FTO: variants seen among roughly 807,000 people sequenced by gnomAD.
FTO encodes FTO alpha-ketoglutarate dependent dioxygenase.
FTO carries 47 observed loss-of-function variants against 63.9 expected under a neutral mutation model. The observed-to-expected ratio is 0.74, with a 90% CI of 0.58 to 0.94. The LOEUF (loss-of-function observed/expected upper bound fraction) is 0.94. Ranked by LOEUF, FTO falls within the 40% of genes least tolerant of loss-of-function variation. FTO has a pLI of 0.00. For missense variants in FTO, 562 were observed against 618.1 expected (o/e 0.91, Z 0.96); for synonymous variants, 207 against 224.4 (o/e 0.92, Z 0.69).
At chr16:54,110,628 A>G (rs1014419555) in intron 8 of FTO, among the ~76,000 whole-genome samples, 2 of 152,258 alleles carry the variant, frequency 1.3e-5, no homozygotes, top group African/African-American at 2.4e-5. Context: ...CCTCTCTACC[A>G]TCAGGCTTGG....
At position 54,117,719 on chromosome 16, in the gene FTO, A is replaced by T. The variant is rs560935117; in HGVS notation, c.*5804A>T. ...TGAAAAATGATGTTTTAGGACTCTCATTTCTACAGTGGGAGTAGGTCACCC... is the reference window on the plus strand; with the variant it reads ...TGAAAAATGATGTTTTAGGACTCTCTTTTCTACAGTGGGAGTAGGTCACCC... On this transcript the variant is annotated 3_prime_UTR_variant, in exon 9 of 9. Coordinates refer to ENST00000471389, the MANE Select transcript of FTO (RefSeq NM_001080432.3). 2.0e-5 allele frequency: 3 copies of T among 152,280 alleles called. No homozygotes were observed. In the South Asian group the frequency reaches 6.2e-4, roughly 32 times the overall value. The allele number at this position is 152,280 out of a possible 1,614,324, so 9.4% of individuals were successfully genotyped here.
At chr16:53,820,549 T>C (rs568608406) in intron 2 of FTO, among the ~76,000 whole-genome samples, 2 of 151,846 alleles carry the variant, frequency 1.3e-5, no homozygotes, top group Non-Finnish European at 2.9e-5. Flanking sequence ...TACATATGTA[T>C]ACATGTGCCA....
intron 8 of FTO, among the ~76,000 whole-genome samples, chr16:54,035,477 G>A (rs1285676643): frequency 6.6e-6 from 1 of 152,194 alleles, no homozygotes; most frequent in African/African-American, 2.4e-5. Flanking sequence ...GGGAGAAAAG[G>A]TCTTTAAGGT....
chr16:54,014,602 A>C (rs1437326760), intron 8 of FTO, among the ~76,000 whole-genome samples: 1 of 152,104 alleles, frequency 6.6e-6, no homozygotes, highest in Non-Finnish European at 1.5e-5. Context: ...CAAGGCAGAC[A>C]GTCTAGGACA....
intron 1 of FTO, among the ~76,000 whole-genome samples, chr16:53,773,379 T>C (rs961085788): frequency 1.3e-5 from 2 of 152,032 alleles, no homozygotes; most frequent in African/African-American, 4.8e-5. Context: ...TAGAACACTT[T>C]TGTTATCTTG....
chr16:53,961,556 C>T (rs1413339143), intron 8 of FTO, among the ~76,000 whole-genome samples: 2 of 152,156 alleles, frequency 1.3e-5, no homozygotes, highest in Non-Finnish European at 2.9e-5. Flanking sequence ...GTGCATTCTT[C>T]CAAGGTAGAT....
At chr16:54,102,279 T>A (rs1359995550) in intron 8 of FTO, among the ~76,000 whole-genome samples, 1 of 152,178 alleles carries the variant, frequency 6.6e-6, no homozygotes, top group Non-Finnish European at 1.5e-5. Context: ...AAAGCAATCA[T>A]AACAAGAGCA....
chr16:53,862,918 T>G (rs376015750), intron 4 of FTO, among the ~76,000 whole-genome samples: 1 of 152,300 alleles, frequency 6.6e-6, no homozygotes, highest in African/African-American at 2.4e-5. Flanking sequence ...ATGTCTAAGG[T>G]TTTCCATCAC....
intron 8 of FTO, among the ~76,000 whole-genome samples, chr16:54,060,693 T>G (rs1172625328): frequency 6.6e-6 from 1 of 152,184 alleles, no homozygotes; most frequent in African/African-American, 2.4e-5. Context: ...TCAGATCGGC[T>G]CATTTGTATT....
At chr16:53,868,238 T>C (rs2080387462) in intron 4 of FTO, among the ~76,000 whole-genome samples, 2 of 152,210 alleles carry the variant, frequency 1.3e-5, no homozygotes, top group Admixed American at 1.3e-4. Context: ...TAATGTTTTC[T>C]ATATTTTGTC....
intron 3 of FTO, among the ~76,000 whole-genome samples, chr16:53,835,627 A>G (rs1323318890): frequency 1.3e-5 from 2 of 151,956 alleles, no homozygotes; most frequent in African/African-American, 2.4e-5. Context: ...ATGTTTTACA[A>G]TTTCACAGTG....
intron 4 of FTO, among the ~76,000 whole-genome samples, chr16:53,865,967 T>C (rs549278838): frequency 6.6e-6 from 1 of 152,312 alleles, no homozygotes; most frequent in African/African-American, 2.4e-5. Context: ...GACATCCTTG[T>C]CTTTTTCTTA....
intron 8 of FTO, among the ~76,000 whole-genome samples, chr16:54,100,307 G>A (rs1389788102): frequency 2.0e-5 from 3 of 152,158 alleles, no homozygotes; most frequent in African/African-American, 7.2e-5. Flanking sequence ...CATTTTAATA[G>A]AAGATGTATA....
intron 8 of FTO, among the ~76,000 whole-genome samples, chr16:54,107,891 C>A (rs1484089466): frequency 2.0e-5 from 3 of 152,190 alleles, no homozygotes; most frequent in African/African-American, 7.2e-5. Context: ...CCTTTAGCTC[C>A]CATACCAGTC....
chr16:53,817,690 A>C (rs2078735423), intron 2 of FTO, among the ~76,000 whole-genome samples: 1 of 152,142 alleles, frequency 6.6e-6, no homozygotes, highest in Non-Finnish European at 1.5e-5. Flanking sequence ...TGTGTGATGA[A>C]ATCTTTCAGA....
At chr16:54,078,358 ATAT>A (rs1254818618) in intron 8 of FTO, among the ~76,000 whole-genome samples, 3 of 147,920 alleles carry the variant, frequency 2.0e-5, no homozygotes, top group African/African-American at 4.9e-5. Context: ...ATTATATATA[ATAT>A]TCTAAATATA....
intron 1 of FTO, among the ~76,000 whole-genome samples, chr16:53,799,374 A>G (rs1030093992): frequency 2.0e-5 from 3 of 152,112 alleles, no homozygotes; most frequent in African/African-American, 7.2e-5. Flanking sequence ...AGGACTATCT[A>G]TGTCTACTAA....
chr16:53,953,956 G>T (rs1441438313), intron 8 of FTO, among the ~76,000 whole-genome samples: 1 of 152,204 alleles, frequency 6.6e-6, no homozygotes, highest in Non-Finnish European at 1.5e-5. Context: ...ATACGCTTCG[G>T]AAGCTACTCC....
chr16:53,972,260 T>C (rs1188830666), intron 8 of FTO, among the ~76,000 whole-genome samples: 1 of 152,140 alleles, frequency 6.6e-6, no homozygotes, highest in Non-Finnish European at 1.5e-5. Context: ...GCTCGGAGTA[T>C]TGGAAATTTC....
Sources: gnomAD v4.1 joint callset for allele counts (sites outside exome capture counted in the v4.1 genomes callset) on GRCh38, gnomAD v4.1.1 for gene constraint, MANE v1.5 for transcripts, NCBI Gene and HGNC (gene_info 2026-07-23, HGNC 2026-07-21) for gene names.